Variants in LARP1B observed in about 807,000 individuals in gnomAD.
The protein encoded by LARP1B is la-related protein 1B.
A neutral mutation model predicts 114.2 loss-of-function variants in LARP1B; 76 were observed. The observed-to-expected ratio is 0.67, with a 90% CI of 0.55 to 0.81. The LOEUF is 0.81. Ranked by LOEUF, LARP1B falls within the 30% of genes least tolerant of loss-of-function variation. LARP1B has a pLI of 0.00. For synonymous variants in LARP1B, 345 were observed against 348.0 expected, an observed-to-expected ratio of 0.99 and a Z score of 0.10; for missense variants, 1,014 against 1,075.8, an observed-to-expected ratio of 0.94 and a Z score of 0.80.
chr4:128,114,850 C>T lies in LARP1B; in HGVS notation c.1161+108C>T, dbSNP rs1785245332. 3 of 930,408 alleles carry T rather than the reference C, an allele frequency of 3.2e-6. No homozygotes were observed. In the South Asian group the frequency reaches 5.8e-5, roughly 18 times the overall value. The allele number at this position is 930,408 out of a possible 1,614,324, so 57.6% of individuals were successfully genotyped here. On this transcript the variant is annotated intron_variant, in intron 10 of 19. Transcript: ENST00000326639. ...ATGTAAAATTTGGAAAAGTTTAGCA[C>T]AATTTTAACTTTGTAATTGTTGGCC...
At chr4:128,217,202 T>A (rs1404121100) in intron 6 of LARP1B, among the ~76,000 whole-genome samples, 2 of 135,464 alleles carry the variant, frequency 1.5e-5, no homozygotes, top group African/African-American at 5.6e-5. Context: ...ACAGCCGAAT[T>A]CTGCCAGAGG....
chr4:128,137,770 C>CATATATATATAT (rs745646919), intron 11 of LARP1B, among the ~76,000 whole-genome samples: 7 of 141,316 alleles, frequency 5.0e-5, no homozygotes, highest in African/African-American at 1.9e-4. Flanking sequence ...TGTGTGTATA[C>CATATATATATAT]ATATATATAT....
At chr4:128,181,801 C>CTT (rs34136994) in intron 15 of LARP1B, among the ~76,000 whole-genome samples, 17 of 77,152 alleles carry the variant, frequency 2.2e-4, no homozygotes, top group African/African-American at 8.1e-4. Flanking sequence ...TTATGATGTC[C>CTT]TTTTTTTTTT....
chr4:128,211,374 TA>T lies in LARP1B; in HGVS notation c.*1324del. ...GAGCAGATTGGATATCTTGTTCTTA[TA>T]AATTATAATATTGAAATACATATAA... On this transcript the variant is annotated 3_prime_UTR_variant, in exon 20 of 20. Coordinates refer to ENST00000326639, the MANE Select transcript of LARP1B (RefSeq NM_018078.4). 5.3e-6 allele frequency: 5 copies of T among 935,002 alleles called. No individual in the cohort carries two copies. The highest frequency in any genetic ancestry group is 6.4e-6 in the Non-Finnish European group (5 of 784,024). 57.9% of individuals were successfully genotyped at this position (935,002 alleles called of 1,614,324 possible).
At chr4:128,217,119 A>G (rs1759563400) in intron 6 of LARP1B, among the ~76,000 whole-genome samples, 1 of 148,838 alleles carries the variant, frequency 6.7e-6, no homozygotes, top group Admixed American at 6.8e-5. Context: ...TGAATAGACC[A>G]ATAACAGGCT....
chr4:128,135,871 A>G (rs926433458), intron 11 of LARP1B, among the ~76,000 whole-genome samples: 3 of 152,156 alleles, frequency 2.0e-5, no homozygotes, highest in African/African-American at 7.2e-5. Context: ...TATATTTAAC[A>G]CTACTGAATT....
intron 11 of LARP1B, chr4:128,122,816 T>C: frequency 1.8e-6 from 2 of 1,084,402 alleles, no homozygotes; most frequent in Non-Finnish European, 2.2e-6. Context: ...TCCTGGTTCC[T>C]ATCCTAGTTA....
Position 128,211,752 on chromosome 4 carries a change from T to A in LARP1B, c.*1699T>A, listed in dbSNP as rs1468269820. 1 of 951,416 alleles carries A rather than the reference T, an allele frequency of 1.1e-6. No homozygotes were observed. Among genetic ancestry groups the A allele is most frequent in the African/African-American group, 1.8e-5 (1 of 56,618 alleles). 58.9% of individuals were successfully genotyped at this position (951,416 alleles called of 1,614,324 possible). A position where few individuals can be genotyped will look rare whatever the true frequency, so the allele number is the denominator to read the frequency against. On this transcript the variant is annotated 3_prime_UTR_variant, in exon 20 of 20. Transcript: ENST00000326639. ...CAGTGTCCTTTTTGTGTTGAACACA[T>A]ATATCTGAAACCTGTATTTAACCAG...
In LARP1B at chr4:128,091,489, T is replaced by G; in HGVS notation, c.645T>G (p.Leu215=). 6.2e-7 allele frequency: 1 copy of G among 1,607,830 alleles called. No homozygotes were observed. The highest frequency in any genetic ancestry group is 8.5e-7 in the Non-Finnish European group (1 of 1,177,946). Reference sequence around the variant, plus strand: ...TGTATCCTGTGGAAGAAGCATTGCTTAAAGAGTATATTAAGCGTCAAATGT... The same window carrying G: ...TGTATCCTGTGGAAGAAGCATTGCTGAAAGAGTATATTAAGCGTCAAATGT... ...VQVYPVEEAL[L]KEYIKRQIEY... Residue 215 remains leucine, a synonymous_variant, in exon 7 of 20, where the codon CTT becomes CTG. Transcript: ENST00000326639.
In LARP1B at chr4:128,206,486, C is replaced by T. The variant is rs774506140; in HGVS notation, c.2368C>T (p.Arg790Ter). The T allele has an allele frequency of 3.7e-6, 6 of 1,612,676 alleles. No individual in the cohort carries two copies. The highest frequency in any genetic ancestry group is 1.1e-5 in the South Asian group (1 of 90,690). ...TTATGGACTGGAAAAAAAATTCAGG[C>T]GAGAAATTTTTCAGGATTTCCAAGA... is the stretch of plus-strand genomic sequence containing the variant. ...YSYGLEKKFR[R>*]EIFQDFQEET... Residue 790 changes from arginine to a stop codon, truncating the protein, a stop_gained, in exon 18 of 20, where the codon CGA becomes TGA. Transcript: ENST00000326639. LOFTEE classifies it high-confidence loss of function.
intron 9 of LARP1B, chr4:128,107,772 T>C (rs925662804): frequency 6.6e-7 from 1 of 1,515,904 alleles, no homozygotes; most frequent in African/African-American, 1.4e-5. Flanking sequence ...GGGTTCTGTT[T>C]AATTTGGTTG....
rs188591863 is a variant in LARP1B at position 128,071,157 on chromosome 4, C to T, written c.-77-3303C>T. 6.9e-3 allele frequency among the ~76,000 whole-genome samples: 1,046 copies of T among 151,960 alleles called. 14 individuals are homozygous for T. The highest frequency in any genetic ancestry group is 0.024 in the African/African-American group (984 of 41,438). ...CACCTCCTGGGTTCATGCCATTCTC[C>T]TGCCTTAGCCTCCTGAGTAGCTGGG... On this transcript the variant is annotated intron_variant, in intron 1 of 19. Transcript: ENST00000326639.
chr4:128,061,824 G>T, intron 1 of LARP1B: 1 of 984,906 alleles, frequency 1.0e-6, no homozygotes, highest in Non-Finnish European at 1.2e-6. Flanking sequence ...GAATGTGAGG[G>T]CAAAGAGGCG....
At chr4:128,098,747 G>GTGTGTATGTATATATA in intron 8 of LARP1B, among the ~76,000 whole-genome samples, 1 of 15,594 alleles carries the variant, frequency 6.4e-5, no homozygotes, top group African/African-American at 1.9e-4. Flanking sequence ...ATATGTATGT[G>GTGTGTATGTATATATA]TATATATATA....
intron 1 of LARP1B, among the ~76,000 whole-genome samples, chr4:128,073,418 CAAAAAAAAAAAAAAAA>C (rs776553862): frequency 4.7e-4 from 20 of 42,910 alleles, no homozygotes; most frequent in African/African-American, 1.8e-3. Context: ...GATTCCGTCT[CAAAAAAAAAAAAAAAA>C]AAAAAAAAAA....
intron 18 of LARP1B, chr4:128,206,917 C>A: frequency 3.8e-6 from 3 of 798,044 alleles, no homozygotes; most frequent in Non-Finnish European, 1.5e-6. Context: ...TGCAAATTCC[C>A]TTTCCACTAT....
chr4:128,135,227 C>T (rs1274984864), intron 11 of LARP1B, among the ~76,000 whole-genome samples: 3 of 151,934 alleles, frequency 2.0e-5, no homozygotes, highest in African/African-American at 7.3e-5. Flanking sequence ...GGATTATCAC[C>T]TCACACTGAT....
At position 128,194,599 on chromosome 4, in the gene LARP1B, C is replaced by T. The variant is rs893138222; in HGVS notation, c.2004-4840C>T. 7.9e-4 allele frequency among the ~76,000 whole-genome samples: 106 copies of T among 133,748 alleles called. 1 individual carries two copies. The highest frequency in any genetic ancestry group is 6.2e-3 in the Admixed American group (69 of 11,212). The allele number at this position is 133,748 out of a possible 152,430, so 87.7% of individuals were successfully genotyped here. The stretch of plus-strand genomic sequence containing the variant: ...TCGGGAGGCTGAGGCAGGAGAATGG[C>T]GTGAACCCGGGAGGCGGAGCTTGCA... On this transcript the variant is annotated intron_variant, in intron 15 of 19. Transcript: ENST00000326639.
intron 12 of LARP1B, among the ~76,000 whole-genome samples, chr4:128,164,730 C>G (rs1739986456): frequency 6.6e-6 from 1 of 152,092 alleles, no homozygotes; most frequent in Non-Finnish European, 1.5e-5. Flanking sequence ...GAGGCCAAGG[C>G]AGGAGGATCA....
Sources: gnomAD v4.1 joint callset for allele counts (sites outside exome capture counted in the v4.1 genomes callset) on GRCh38, gnomAD v4.1.1 for gene constraint, MANE v1.5 for transcripts, NCBI Gene and HGNC (gene_info 2026-07-23, HGNC 2026-07-21) for gene names.